The following BBS12 variants were observed in gnomAD, a reference collection of about 807,000 sequenced individuals.
The protein encoded by BBS12 is Bardet-Biedl syndrome 12.
In BBS12, 5 loss-of-function variants were observed where a neutral mutation model predicts 5.6. The observed-to-expected ratio is 0.89, with a 90% CI of 0.46 to 1.86. The LOEUF (loss-of-function observed/expected upper bound fraction) is 1.86, where lower values mean the gene tolerates loss of function less well. Ranked by LOEUF, BBS12 falls within the 40% of genes most tolerant of loss-of-function variation. The pLI is 0.01. For synonymous variants in BBS12, 308 were observed against 306.8 expected (o/e 1.00, Z -0.04); for missense variants, 748 against 830.4 (o/e 0.90, Z 1.22).
At position 122,732,718 on chromosome 4, in the gene BBS12, G is replaced by GC. The variant is rs1302656399; in HGVS notation, c.-172dup. 2 of 152,444 alleles carry GC rather than the reference G, an allele frequency of 1.3e-5. No individual in the cohort carries two copies. The highest frequency in any genetic ancestry group is 4.8e-5 in the African/African-American group (2 of 41,472). 9.4% of individuals were successfully genotyped at this position (152,444 alleles called of 1,614,324 possible). A position where few individuals can be genotyped will look rare whatever the true frequency, so the allele number is the denominator to read the frequency against. ...TCCAGCTGTGTCTCTTAGCAACTAA[G>GC]CCCCCGGCTCCTCCAGAAGCCCCTC... On this transcript the variant is annotated 5_prime_UTR_variant, in exon 1 of 2. Coordinates refer to ENST00000314218, the MANE Select transcript of BBS12 (RefSeq NM_152618.3).
chr4:122,743,158 A>T lies in BBS12; in HGVS notation c.1266A>T (p.Leu422Phe). The change falls in exon 2 of 2, where the codon TTA becomes TTT. Residue 422 changes from leucine (L) to phenylalanine (F), a missense_variant. Coordinates refer to ENST00000314218, the MANE Select transcript of BBS12 (RefSeq NM_152618.3). The part of the protein sequence containing the change: ...VLVQGNVSER[L>F]IEKCINSKRL... ...TACAAGGAAATGTGTCCGAACGCTT[A>T]ATTGAAAAATGTATAAACAGTAAGC... 6.2e-7 allele frequency: 1 copy of T among 1,614,248 alleles called. No individual in the cohort carries two copies.
At chr4:122,718,121 C>G in the BBS12 span, among the ~76,000 whole-genome samples, 7 of 152,258 alleles carry the variant, frequency 4.6e-5, no homozygotes, top group East Asian at 1.4e-3. Flanking sequence ...GGAGGTAGAA[C>G]AGTGCATAAA....
Position 122,743,908 on chromosome 4 carries a change from G to GT in BBS12, c.2017dup (p.Trp673LeufsTer17). The GT allele has an allele frequency of 6.2e-7, 1 of 1,606,120 alleles. No individual in the cohort carries two copies. Among genetic ancestry groups the GT allele is most frequent in the Non-Finnish European group, 8.5e-7 (1 of 1,176,292 alleles). On this transcript the variant is annotated frameshift_variant, in exon 2 of 2. Coordinates refer to ENST00000314218, the MANE Select transcript of BBS12 (RefSeq NM_152618.3). LOFTEE classifies it high-confidence loss of function. The stretch of plus-strand genomic sequence containing the variant: ...ACGTTGTTACACCAAAGATTGAGGC[G>GT]TGGCGCCGAGCATTGGATTTAGTAT...
At chr4:122,719,431 T>C in the BBS12 span, among the ~76,000 whole-genome samples, 1 of 152,132 alleles carries the variant, frequency 6.6e-6, no homozygotes, top group South Asian at 2.1e-4. Flanking sequence ...TCTTTTGCTC[T>C]TCACAATAAA....
chr4:122,726,398 A>T, the BBS12 span, among the ~76,000 whole-genome samples: 9 of 152,058 alleles, frequency 5.9e-5, no homozygotes, highest in Non-Finnish European at 1.2e-4. Context: ...TGCAACAATG[A>T]CCATAATCAA....
chr4:122,713,743 T>C, the BBS12 span, among the ~76,000 whole-genome samples: 2 of 152,186 alleles, frequency 1.3e-5, no homozygotes, highest in East Asian at 1.9e-4. Flanking sequence ...TGAGATTTGA[T>C]TGGCAGAAGC....
At chr4:122,702,045 T>C in the BBS12 span, among the ~76,000 whole-genome samples, 1 of 152,302 alleles carries the variant, frequency 6.6e-6, no homozygotes, top group Middle Eastern at 3.4e-3. Context: ...AACCAGAATT[T>C]CTTCTAAAGA....
At chr4:122,719,809 G>A in the BBS12 span, among the ~76,000 whole-genome samples, 3 of 152,324 alleles carry the variant, frequency 2.0e-5, no homozygotes, top group South Asian at 4.1e-4. Flanking sequence ...GGGGTCTTGG[G>A]GAAGGGTATG....
At chr4:122,708,621 G>A in the BBS12 span, among the ~76,000 whole-genome samples, 3 of 138,308 alleles carry the variant, frequency 2.2e-5, no homozygotes, top group Non-Finnish European at 4.6e-5. Context: ...CTAAAATTTG[G>A]GATGTAGTAT....
Position 122,743,607 on chromosome 4 carries a change from C to T in BBS12, c.1715C>T (p.Thr572Ile), listed in dbSNP as rs763049195. ...GCCTGCTCAGGGTGGCTGCATAATA[C>T]TTCCTCTTGGCTGGCTTCATCTCTG... ...NHACSGWLHN[T>I]SSWLASSLAI... Residue 572 changes from threonine to isoleucine, a missense_variant, in exon 2 of 2, where the codon ACT (threonine) becomes ATT (isoleucine). Physicochemically the swap from Thr to Ile is moderately conservative, Grantham distance 89. Transcript: ENST00000314218. The T allele has an allele frequency of 6.2e-7, 1 of 1,614,184 alleles. No homozygotes were observed.
chr4:122,720,383 G>A, the BBS12 span, among the ~76,000 whole-genome samples: 75 of 152,214 alleles, frequency 4.9e-4, no homozygotes, highest in Non-Finnish European at 7.4e-4. Context: ...CCCAGGAGGC[G>A]GAGGTTGCAG....
intron 1 of BBS12, among the ~76,000 whole-genome samples, chr4:122,735,590 A>C (rs1384957025): frequency 6.6e-6 from 1 of 152,212 alleles, no homozygotes; most frequent in Non-Finnish European, 1.5e-5. Context: ...ACTTATATTC[A>C]TGTTGGAGAA....
the BBS12 span, among the ~76,000 whole-genome samples, chr4:122,726,986 A>G: frequency 6.6e-6 from 1 of 152,200 alleles, no homozygotes; most frequent in Non-Finnish European, 1.5e-5. Context: ...ACAAAAAACT[A>G]CAAATTGGGT....
At chr4:122,709,243 C>T in the BBS12 span, among the ~76,000 whole-genome samples, 2 of 152,114 alleles carry the variant, frequency 1.3e-5, no homozygotes, top group Non-Finnish European at 2.9e-5. Flanking sequence ...TAACTGCTTA[C>T]AGGGTTTTGT....
chr4:122,742,782 CT>C lies in BBS12; in HGVS notation c.892del (p.Cys298ValfsTer48). The stretch of plus-strand genomic sequence containing the variant: ...GCAGTACAGCTGCAATATCAGAATG[CT>C]TGTGTGCAACAAGGCAACTGTACAA... Reference protein sequence around the residue: ...EEAVQLQYQNACVQQGNCTKP... With the variant: ...EEAVQLQYQNXCVQQGNCTKP... On this transcript the variant is annotated frameshift_variant, in exon 2 of 2. Coordinates refer to ENST00000314218, the MANE Select transcript of BBS12 (RefSeq NM_152618.3). LOFTEE classifies it low-confidence loss of function (END_TRUNC). 1 of 1,614,204 alleles carries C rather than the reference CT, an allele frequency of 6.2e-7. No homozygotes were observed. The highest frequency in any genetic ancestry group is 2.2e-5 in the East Asian group (1 of 44,882).
the BBS12 span, among the ~76,000 whole-genome samples, chr4:122,705,484 T>C: frequency 6.6e-6 from 1 of 152,134 alleles, no homozygotes; most frequent in East Asian, 1.9e-4. Flanking sequence ...ACTGATAAAA[T>C]CATTTATCTA....
upstream of BBS12, chr4:122,729,677 G>A (rs1264271932): frequency 6.6e-6 from 1 of 152,202 alleles, no homozygotes; most frequent in Non-Finnish European, 1.5e-5. Context: ...GCCAGGCACG[G>A]TGGCTCACCC....
chr4:122,702,560 G>A, the BBS12 span, among the ~76,000 whole-genome samples: 59 of 152,306 alleles, frequency 3.9e-4, no homozygotes, highest in Non-Finnish European at 4.6e-4. Flanking sequence ...AAAAGAGGAT[G>A]CTGGCTAAGA....
chr4:122,719,616 C>T, the BBS12 span, among the ~76,000 whole-genome samples: 2 of 152,076 alleles, frequency 1.3e-5, no homozygotes, highest in South Asian at 2.1e-4. Context: ...AGGTCTGCGG[C>T]GTCACTCCTG....
Sources: gnomAD v4.1 joint callset for allele counts (sites outside exome capture counted in the v4.1 genomes callset) on GRCh38, gnomAD v4.1.1 for gene constraint, MANE v1.5 for transcripts, NCBI Gene and HGNC (gene_info 2026-07-23, HGNC 2026-07-21) for gene names.